GNG7: variants seen among roughly 807,000 people sequenced by gnomAD.
The protein encoded by GNG7 is G protein subunit gamma 7.
A neutral mutation model predicts 4.0 loss-of-function variants in GNG7; 1 was observed. That is an observed-to-expected ratio of 0.25 (90% CI 0.09 to 1.18). The LOEUF is 1.18. Among genes scored for constraint, GNG7 ranks in the 50% most tolerant of loss-of-function variants. GNG7 has a pLI of 0.50. For missense variants in GNG7, 86 were observed against 91.9 expected (o/e 0.94, Z 0.26); for synonymous variants, 34 against 36.9 (o/e 0.92, Z 0.29).
rs1472237472 is a variant in GNG7 at position 2,557,232 on chromosome 19, C to T, written c.-77-2044G>A. ...GCACACACAGACACACATGCACACA[C>T]AGACGCACATGTGCACACACACGTG... On this transcript the variant is annotated intron_variant, in intron 2 of 4. Transcript: ENST00000382159. The surrounding 1 kb of genome is among the most constrained non-coding windows in gnomAD (Gnocchi z 5.1). Among the ~76,000 whole-genome samples, 2 of 150,784 alleles carry T rather than the reference C, an allele frequency of 1.3e-5. No homozygotes were observed. Among genetic ancestry groups the T allele is most frequent in the African/African-American group, 2.5e-5 (1 of 40,380 alleles).
At chr19:2,689,956 C>T (rs1388596095) in intron 1 of GNG7, among the ~76,000 whole-genome samples, 1 of 152,188 alleles carries the variant, frequency 6.6e-6, no homozygotes, top group Admixed American at 6.5e-5. Flanking sequence ...GCCAATAAAA[C>T]ATTATTTCTG....
chr19:2,691,143 C>T (rs1238507442), intron 1 of GNG7, among the ~76,000 whole-genome samples: 24 of 152,024 alleles, frequency 1.6e-4, no homozygotes, highest in Admixed American at 1.2e-3. Context: ...CTGTTCTTAC[C>T]GCTCGATTTT....
chr19:2,696,292 GAGAAAGAAAGAAAGAAAGAAAGAAAGAA>G (rs796306243), intron 1 of GNG7, among the ~76,000 whole-genome samples: 11 of 108,512 alleles, frequency 1.0e-4, no homozygotes, highest in African/African-American at 3.7e-4. Context: ...AAGAGAGAGA[GAGAAAGAAAGAAAGAAAGAAAGAAAGAA>G]AGAAAGAAAG....
intron 1 of GNG7, among the ~76,000 whole-genome samples, chr19:2,700,419 A>C (rs1462535453): frequency 6.6e-6 from 1 of 152,216 alleles, no homozygotes; most frequent in Non-Finnish European, 1.5e-5. Flanking sequence ...CGGGGATTAC[A>C]GGCATGAGCC....
intron 1 of GNG7, among the ~76,000 whole-genome samples, chr19:2,649,160 C>A (rs1305588320): frequency 6.6e-6 from 1 of 152,036 alleles, no homozygotes; most frequent in Non-Finnish European, 1.5e-5. Context: ...TGGTCTTGAA[C>A]TCCTGGGCTC....
chr19:2,701,596 A>AC (rs1028802436), intron 1 of GNG7, among the ~76,000 whole-genome samples: 6 of 125,668 alleles, frequency 4.8e-5, no homozygotes, highest in East Asian at 2.5e-4. Flanking sequence ...CGTCAATCAC[A>AC]CCCCCCCATC....
At chr19:2,605,734 G>T (rs1055234366) in intron 2 of GNG7, among the ~76,000 whole-genome samples, 10 of 149,782 alleles carry the variant, frequency 6.7e-5, no homozygotes, top group East Asian at 2.0e-4. Context: ...GCATGGTCTC[G>T]ATCTCCTGAC....
intron 3 of GNG7, among the ~76,000 whole-genome samples, chr19:2,540,715 G>A (rs888416527): frequency 6.6e-6 from 1 of 152,158 alleles, no homozygotes; most frequent in Admixed American, 6.5e-5. Flanking sequence ...GCCGGGCAGC[G>A]GGACAGACTG....
At chr19:2,596,012 C>T (rs565616152) in intron 2 of GNG7, among the ~76,000 whole-genome samples, 1 of 152,042 alleles carries the variant, frequency 6.6e-6, no homozygotes, top group Non-Finnish European at 1.5e-5. Context: ...TACTCTACTA[C>T]AGAGGAGGAA....
chr19:2,661,347 A>ACAAAGAAAGAAG (rs1983171124), intron 1 of GNG7, among the ~76,000 whole-genome samples: 1 of 148,316 alleles, frequency 6.7e-6, no homozygotes, highest in African/African-American at 2.5e-5. Context: ...AAAGAAAGAA[A>ACAAAGAAAGAAG]GAAAGAAAGA....
chr19:2,578,647 C>G (rs570765943), intron 2 of GNG7, among the ~76,000 whole-genome samples: 2 of 152,338 alleles, frequency 1.3e-5, no homozygotes, highest in East Asian at 3.9e-4. Context: ...GACCTCTCCC[C>G]CTCAGCCCTG....
chr19:2,661,300 A>G (rs57707608), intron 1 of GNG7, among the ~76,000 whole-genome samples: 4,879 of 36,952 alleles, frequency 0.13, 203 homozygotes, highest in Non-Finnish European at 0.16. Flanking sequence ...GAAAGAAAGA[A>G]AGAGAAAGAA....
intron 1 of GNG7, among the ~76,000 whole-genome samples, chr19:2,673,282 ACAAAAC>A (rs1983511043): frequency 2.7e-4 from 40 of 149,452 alleles, no homozygotes; most frequent in African/African-American, 9.1e-4. Context: ...ACAAAACAAA[ACAAAAC>A]AAAAAAAAAC....
intron 2 of GNG7, among the ~76,000 whole-genome samples, chr19:2,568,210 C>G (rs934099370): frequency 2.7e-5 from 4 of 150,546 alleles, no homozygotes; most frequent in African/African-American, 9.8e-5. Context: ...TATAGACATA[C>G]ACATACAGAC....
At chr19:2,612,159 C>A (rs553644452) in intron 2 of GNG7, among the ~76,000 whole-genome samples, 2 of 152,226 alleles carry the variant, frequency 1.3e-5, no homozygotes, top group African/African-American at 4.8e-5. Flanking sequence ...AGGTGTGAGC[C>A]AGCGCGCCCG....
chr19:2,658,433 C>T (rs1022701717), intron 1 of GNG7, among the ~76,000 whole-genome samples: 1 of 151,900 alleles, frequency 6.6e-6, no homozygotes, highest in Non-Finnish European at 1.5e-5. Flanking sequence ...ATAAACAAAA[C>T]GTGGTACATC....
At chr19:2,651,456 CCT>C (rs961289976) in intron 1 of GNG7, among the ~76,000 whole-genome samples, 19 of 144,756 alleles carry the variant, frequency 1.3e-4, no homozygotes, top group African/African-American at 2.1e-4. Context: ...TCCTTTCCTC[CCT>C]CTCTTTCTCT....
intron 3 of GNG7, among the ~76,000 whole-genome samples, chr19:2,542,998 C>T (rs529000812): frequency 8.5e-4 from 127 of 149,798 alleles, no homozygotes; most frequent in African/African-American, 2.6e-3. Context: ...CTGCAACCTC[C>T]GCCTCCCAGG....
chr19:2,571,814 T>TC (rs1980158208), intron 2 of GNG7, among the ~76,000 whole-genome samples: 1 of 151,960 alleles, frequency 6.6e-6, no homozygotes, highest in Non-Finnish European at 1.5e-5. Context: ...CAGGCTGGTC[T>TC]CGAACTCCTG....
Sources: allele counts gnomAD v4.1 joint callset (sites outside exome capture counted in the v4.1 genomes callset), GRCh38; gene constraint gnomAD v4.1.1; non-coding constraint Gnocchi (gnomAD v3.1); transcripts MANE v1.5; gene names NCBI Gene and HGNC (gene_info 2026-07-23, HGNC 2026-07-21).